The following MAP3K1 variants were observed in gnomAD, a reference collection of about 807,000 sequenced individuals.
MAP3K1 encodes the protein MAP/ERK kinase kinase 1.
A neutral mutation model predicts 144.2 loss-of-function variants in MAP3K1; 36 were observed. The ratio of observed to expected loss-of-function variants is 0.25; its 90% CI spans 0.19 to 0.33. The LOEUF (loss-of-function observed/expected upper bound fraction) is 0.33, where lower values mean the gene tolerates loss of function less well. Ranked by LOEUF, MAP3K1 falls within the 10% of genes least tolerant of loss-of-function variation. The pLI is 1.00. For missense variants in MAP3K1, 1,650 were observed against 1,881.9 expected (o/e 0.88, Z 2.28); for synonymous variants, 718 against 688.7 (o/e 1.04, Z -0.67).
At position 56,815,789 on chromosome 5, in the gene MAP3K1, G is replaced by T. The variant is rs1452902451; in HGVS notation, c.216G>T (p.Gln72His). 2.1e-6 allele frequency: 3 copies of T among 1,420,480 alleles called. No individual in the cohort carries two copies. Among genetic ancestry groups the T allele is most frequent in the Non-Finnish European group, 2.8e-6 (3 of 1,084,098 alleles). The allele number at this position is 1,420,480 out of a possible 1,614,324, so 88.0% of individuals were successfully genotyped here. Residue 72 changes from glutamine (Q) to histidine (H), a missense_variant, in exon 1 of 20, where the codon CAG becomes CAT. By Grantham distance (24) the Gln-to-His change is conservative. Around this residue, in one of 6 missense-constraint regions of MAP3K1, gnomAD observed 360 missense variants for 274.7 expected, o/e 1.31. Coordinates refer to ENST00000399503, the MANE Select transcript of MAP3K1 (RefSeq NM_005921.2). Reference sequence around the variant, plus strand: ...AAGTGCGGAGTGTGGAGCTGGACCAGCTGCCTGAGCAGCCGCTCTTCCTTG... The same window carrying T: ...AAGTGCGGAGTGTGGAGCTGGACCATCTGCCTGAGCAGCCGCTCTTCCTTG... The part of the protein sequence containing the change: ...LRKVRSVELD[Q>H]LPEQPLFLAA...
At chr5:56,865,502 A>T in intron 5 of MAP3K1, 46 bp downstream of exon 5, 1 of 1,085,532 alleles carries the variant, frequency 9.2e-7, no homozygotes, top group Non-Finnish European at 1.4e-6. Flanking sequence ...GCATATTCTT[A>T]GGATATATTC....
rs1301001671 is a variant in MAP3K1, at chr5:56,881,905, C to T, written c.2705C>T (p.Pro902Leu). Reference sequence around the variant, plus strand: ...CTGGAAACCACAGAGAACAGTTCCCCTGAGTGCACAGTCCATTTAGAGAAA... The same window carrying T: ...CTGGAAACCACAGAGAACAGTTCCCTTGAGTGCACAGTCCATTTAGAGAAA... ...NYLETTENSS[P>L]ECTVHLEKTG... The change falls in exon 14 of 20, where the codon CCT becomes CTT. Residue 902 changes from proline to leucine, a missense_variant. Coordinates refer to ENST00000399503, the MANE Select transcript of MAP3K1 (RefSeq NM_005921.2). The T allele has an allele frequency of 1.2e-6, 2 of 1,613,958 alleles. No individual in the cohort carries two copies. Among genetic ancestry groups the T allele is most frequent in the Non-Finnish European group, 1.7e-6 (2 of 1,180,022 alleles).
intron 1 of MAP3K1, among the ~76,000 whole-genome samples, chr5:56,844,157 T>C (rs182514068): frequency 1.3e-5 from 2 of 151,926 alleles, no homozygotes; most frequent in Non-Finnish European, 2.9e-5. Context: ...CATTAGATGT[T>C]TAGTATTATA....
intron 17 of MAP3K1, 35 bp from the exon 18 acceptor site, chr5:56,887,343 T>A: frequency 6.2e-7 from 1 of 1,612,408 alleles, no homozygotes; most frequent in Non-Finnish European, 8.5e-7. Context: ...TTTTTGTTTT[T>A]AACATACAAG....
At chr5:56,839,658 T>TC (rs1450692389) in intron 1 of MAP3K1, among the ~76,000 whole-genome samples, 2 of 152,136 alleles carry the variant, frequency 1.3e-5, no homozygotes, top group African/African-American at 4.8e-5. Context: ...GTTTGCATAC[T>TC]CCCCCCATCT....
intron 1 of MAP3K1, among the ~76,000 whole-genome samples, chr5:56,833,561 C>T (rs1261527022): frequency 6.6e-6 from 1 of 152,120 alleles, no homozygotes; most frequent in Admixed American, 6.5e-5. Context: ...TGCATGCTCC[C>T]AGGGAGCTTC....
intron 2 of MAP3K1, among the ~76,000 whole-genome samples, chr5:56,857,506 T>C (rs1240211571): frequency 2.6e-5 from 4 of 152,212 alleles, no homozygotes; most frequent in African/African-American, 7.2e-5. Context: ...AAAACAGATA[T>C]GGCAACTTAA....
intron 16 of MAP3K1, among the ~76,000 whole-genome samples, chr5:56,885,170 C>T (rs1199286930): frequency 6.6e-6 from 1 of 152,018 alleles, no homozygotes; most frequent in Non-Finnish European, 1.5e-5. Context: ...AATATACAAA[C>T]AAAATTAACA....
chr5:56,855,823 T>C (rs1747327294), intron 1 of MAP3K1, among the ~76,000 whole-genome samples: 1 of 152,246 alleles, frequency 6.6e-6, no homozygotes, highest in African/African-American at 2.4e-5. Context: ...TTGCTTTAAC[T>C]GCATCCTTAT....
chr5:56,854,501 A>G (rs376795886), intron 1 of MAP3K1, among the ~76,000 whole-genome samples: 11 of 152,174 alleles, frequency 7.2e-5, no homozygotes, highest in African/African-American at 2.6e-4. Context: ...TAAATAAGGT[A>G]AAACGAAATT....
intron 1 of MAP3K1, among the ~76,000 whole-genome samples, chr5:56,846,632 T>A (rs1747005559): frequency 6.6e-6 from 1 of 152,240 alleles, no homozygotes; most frequent in Non-Finnish European, 1.5e-5. Flanking sequence ...TCTTGATTAC[T>A]TCTGCATGGC....
At chr5:56,845,569 C>A (rs753499524) in intron 1 of MAP3K1, among the ~76,000 whole-genome samples, 1 of 150,238 alleles carries the variant, frequency 6.7e-6, no homozygotes, top group Non-Finnish European at 1.5e-5. Flanking sequence ...TGTAGACATT[C>A]CCAGCCCTAG....
intron 1 of MAP3K1, among the ~76,000 whole-genome samples, chr5:56,849,895 G>A (rs1384229685): frequency 2.0e-5 from 3 of 152,172 alleles, no homozygotes; most frequent in Admixed American, 2.0e-4. Context: ...AAGTCATAGT[G>A]TTTTTTACAT....
intron 3 of MAP3K1, 43 bp from the exon 4 acceptor site, chr5:56,864,691 T>A: frequency 6.2e-7 from 1 of 1,603,890 alleles, no homozygotes; most frequent in African/African-American, 1.3e-5. Flanking sequence ...GTTTCTTAAT[T>A]AAGAAATGAG....
At chr5:56,850,630 C>T (rs570252624) in intron 1 of MAP3K1, among the ~76,000 whole-genome samples, 2 of 152,272 alleles carry the variant, frequency 1.3e-5, no homozygotes, top group South Asian at 4.1e-4. Context: ...GCAGAGAGTA[C>T]AGCTCTTGAA....
intron 3 of MAP3K1, among the ~76,000 whole-genome samples, chr5:56,861,556 G>A (rs1747510725): frequency 8.0e-6 from 1 of 124,518 alleles, no homozygotes; most frequent in African/African-American, 3.2e-5. Flanking sequence ...CTGGGCGACA[G>A]AGTGAGACTC....
chr5:56,865,863 G>C lies in MAP3K1; in HGVS notation c.1187G>C (p.Arg396Pro). 6.2e-7 allele frequency: 1 copy of C among 1,614,048 alleles called. No homozygotes were observed. Among genetic ancestry groups the C allele is most frequent in the Non-Finnish European group, 8.5e-7 (1 of 1,179,956 alleles). Residue 396 changes from arginine (R) to proline (P), a missense_variant, in exon 6 of 20, where the codon CGT (arginine) becomes CCT (proline). By Grantham distance (103) the Arg-to-Pro change is moderately radical. This residue lies in a region of MAP3K1 where 125 missense variants were observed against 179.9 expected (regional missense o/e 0.69). Transcript: ENST00000399503. ...ESLFQKYHSR[R>P]SSRIKAPSRN... ...TTGTTCCAGAAATATCACAGTAGGCGTAGCTCAAGGATCAAAGCTCCATCT... is the reference window on the plus strand; with the variant it reads ...TTGTTCCAGAAATATCACAGTAGGCCTAGCTCAAGGATCAAAGCTCCATCT...
chr5:56,875,344 G>T, intron 10 of MAP3K1, 34 bp downstream of exon 10: 1 of 1,609,806 alleles, frequency 6.2e-7, no homozygotes, highest in Non-Finnish European at 8.5e-7. Context: ...ATATCATTAT[G>T]GGTTTGGGGT....
chr5:56,873,033 CAAAG>C (rs1356319289), intron 9 of MAP3K1, 28 bp downstream of exon 9: 10 of 1,591,038 alleles, frequency 6.3e-6, no homozygotes, highest in East Asian at 2.2e-5. Flanking sequence ...TTTCATTTCT[CAAAG>C]AAATATTTAT....
Sources: gnomAD v4.1 joint callset for allele counts (sites outside exome capture counted in the v4.1 genomes callset) on GRCh38, gnomAD v4.1.1 for gene constraint, gnomAD v4.1.1 regional missense constraint, MANE v1.5 for transcripts, NCBI Gene and HGNC (gene_info 2026-07-23, HGNC 2026-07-21) for gene names.